Variants in ATP11C observed in about 807,000 individuals in gnomAD.
ATP11C encodes the protein ATPase phospholipid transporting 11C (ATP11C blood group).
Under a neutral mutation model 97.4 loss-of-function variants are expected in ATP11C, and 36 were observed. The ratio of observed to expected loss-of-function variants is 0.37; its 90% CI spans 0.28 to 0.49. ATP11C has a LOEUF of 0.49. Among genes scored for constraint, ATP11C ranks in the 20% least tolerant of loss-of-function variants. The pLI, the probability that ATP11C is intolerant of heterozygous loss-of-function variation, is 0.98. For synonymous variants in ATP11C, 275 were observed against 290.9 expected (o/e 0.95, Z 0.56); for missense variants, 730 against 824.6 (o/e 0.89, Z 1.40).
chrX:139,926,560 CA>C (rs2085355025), intron 1 of ATP11C, among the ~76,000 whole-genome samples: 1 of 111,961 alleles, frequency 8.9e-6, no homozygotes, highest in Non-Finnish European at 1.9e-5. Context: ...TTTGAAAAAA[CA>C]AGCTCTTTTG....
intron 1 of ATP11C, among the ~76,000 whole-genome samples, chrX:139,849,704 G>A (rs2083960221): frequency 8.9e-6 from 1 of 112,289 alleles, no homozygotes; most frequent in Non-Finnish European, 1.9e-5. Flanking sequence ...TTAAACCTCT[G>A]CTATGGTTTG....
At chrX:139,799,039 CAGA>C (rs1278139753) in intron 8 of ATP11C, among the ~76,000 whole-genome samples, 2 of 111,146 alleles carry the variant, frequency 1.8e-5, no homozygotes, top group Non-Finnish European at 3.8e-5. Context: ...GAGAACAGAA[CAGA>C]GCAGCAGATC....
chrX:139,876,323 A>C (rs1214064368), intron 1 of ATP11C, among the ~76,000 whole-genome samples: 2 of 112,221 alleles, frequency 1.8e-5, no homozygotes, highest in Non-Finnish European at 3.8e-5. Flanking sequence ...GAGAAAAATC[A>C]CTATCTCTAG....
At position 139,741,091 on chromosome X, in the gene ATP11C, C is replaced by A. The variant is rs2081545193; in HGVS notation, c.3034G>T (p.Ala1012Ser). The change falls in exon 27 of 30, where the codon GCC becomes TCC. Residue 1012 changes from alanine (A) to serine (S), a missense_variant. Coordinates refer to ENST00000682941, the MANE Select transcript of ATP11C (RefSeq NM_001353812.2). ...CACGTCCAGAATCGGGTATCCAAGGCAAGCTGAAAAGATACAACACAAAAG... is the reference window on the plus strand; with the variant it reads ...CACGTCCAGAATCGGGTATCCAAGGAAAGCTGAAAAGATACAACACAAAAG... ...VLVFTVTLKL[A>S]LDTRFWTWIN... 2 of 1,177,039 alleles carry A rather than the reference C, an allele frequency of 1.7e-6. No individual in the cohort carries two copies. The highest frequency in any genetic ancestry group is 3.5e-5 in the African/African-American group (2 of 56,430).
intron 19 of ATP11C, among the ~76,000 whole-genome samples, chrX:139,772,899 T>TG (rs2082279965): frequency 1.8e-5 from 2 of 110,994 alleles, no homozygotes; most frequent in East Asian, 2.8e-4. Flanking sequence ...TGAAAGACTT[T>TG]GGGGGGCTGT....
chrX:139,757,423 C>T (rs2081959106), intron 23 of ATP11C, among the ~76,000 whole-genome samples: 1 of 111,975 alleles, frequency 8.9e-6, no homozygotes, highest in East Asian at 2.8e-4. Context: ...CTAGGAATCA[C>T]AGGTTCTTGG....
chrX:139,793,991 T>C (rs1451547355), intron 12 of ATP11C, among the ~76,000 whole-genome samples: 1 of 112,121 alleles, frequency 8.9e-6, no homozygotes, highest in East Asian at 2.8e-4. Context: ...AATCAGAATA[T>C]ATACTCACAC....
Position 139,763,300 on chromosome X carries a change from A to T in ATP11C, c.2494+16T>A. On this transcript the variant is annotated intron_variant, in intron 21 of 29. Coordinates refer to ENST00000682941, the MANE Select transcript of ATP11C (RefSeq NM_001353812.2). ...TGATACTTTTCACAGCTGCCATCTC[A>T]TTAGATGTATCTTACCTATTCCCAC... is the stretch of plus-strand genomic sequence containing the variant. 8.7e-7 allele frequency: 1 copy of T among 1,154,698 alleles called. No homozygotes were observed. The highest frequency in any genetic ancestry group is 1.2e-6 in the Non-Finnish European group (1 of 843,811).
intron 1 of ATP11C, among the ~76,000 whole-genome samples, chrX:139,893,115 T>G (rs1054980553): frequency 8.9e-6 from 1 of 112,321 alleles, no homozygotes; most frequent in African/African-American, 3.2e-5. Flanking sequence ...CTCGGCTCAC[T>G]GCAACCTCTG....
chrX:139,731,718 G>A lies in ATP11C; in HGVS notation c.3326C>T (p.Ser1109Phe), dbSNP rs748404658. The part of the protein sequence containing the change: ...LSCRRASDSL[S>F]ARPSVRPLLL... The stretch of plus-strand genomic sequence containing the variant: ...AAGAGGTCTGACTGAAGGTCTGGCG[G>A]ATAATGAGTCAGATGCCCTTCTACA... Residue 1109 changes from serine (S) to phenylalanine (F), a missense_variant, in exon 29 of 30, where the codon TCC becomes TTC. Transcript: ENST00000682941. 4 of 1,196,162 alleles carry A rather than the reference G, an allele frequency of 3.3e-6. No homozygotes were observed. Among genetic ancestry groups the A allele is most frequent in the Non-Finnish European group, 4.5e-6 (4 of 885,146 alleles).
intron 1 of ATP11C, among the ~76,000 whole-genome samples, chrX:139,909,038 G>C (rs1304794516): frequency 2.7e-5 from 3 of 112,463 alleles, no homozygotes. Flanking sequence ...CTCTAAAACT[G>C]TATGGGCACC....
chrX:139,729,867 G>A (rs941008319), intron 29 of ATP11C, among the ~76,000 whole-genome samples: 1 of 111,842 alleles, frequency 8.9e-6, no homozygotes, highest in Non-Finnish European at 1.9e-5. Context: ...TGCCATGGCT[G>A]GACTAGAAGC....
intron 18 of ATP11C, among the ~76,000 whole-genome samples, chrX:139,779,758 CA>C (rs2082414749): frequency 9.1e-6 from 1 of 110,328 alleles, no homozygotes. Flanking sequence ...AAATTGAGAC[CA>C]AAAAAATCAT....
intron 1 of ATP11C, among the ~76,000 whole-genome samples, chrX:139,903,214 G>A (rs2148113350): frequency 9.0e-6 from 1 of 111,647 alleles, no homozygotes; most frequent in African/African-American, 3.3e-5. Context: ...GTGGTATTAT[G>A]GTATATACTG....
chrX:139,852,452 CGGGGGG>C (rs372368937), intron 1 of ATP11C, among the ~76,000 whole-genome samples: 1 of 12,258 alleles, frequency 8.2e-5, no homozygotes, highest in African/African-American at 1.5e-4. Context: ...CTCAGCAATG[CGGGGGG>C]GGGGGGGGGG....
At chrX:139,934,896 T>C (rs1220050854), upstream of ATP11C, among the ~76,000 whole-genome samples, 1 of 111,819 alleles carries the variant, frequency 8.9e-6, no homozygotes, top group Non-Finnish European at 1.9e-5. Flanking sequence ...ATTTCTTCAC[T>C]AGTTTATTTG....
intron 28 of ATP11C, among the ~76,000 whole-genome samples, chrX:139,734,321 A>C (rs2081402110): frequency 9.0e-6 from 1 of 111,398 alleles, no homozygotes; most frequent in Non-Finnish European, 1.9e-5. Context: ...ACTCTGAAAG[A>C]GTTCTCTACA....
intron 22 of ATP11C, among the ~76,000 whole-genome samples, chrX:139,759,614 T>C (rs2082000365): frequency 9.0e-6 from 1 of 110,774 alleles, no homozygotes; most frequent in Non-Finnish European, 1.9e-5. Context: ...ACTCCGGGAG[T>C]GGGCAATAAC....
intron 1 of ATP11C, among the ~76,000 whole-genome samples, chrX:139,838,460 G>A (rs757835248): frequency 1.1e-3 from 127 of 111,757 alleles, no homozygotes; most frequent in Non-Finnish European, 1.7e-3. Context: ...GGAGTAATTG[G>A]AACCCTCATA....
Sources: gnomAD v4.1 joint callset for allele counts (sites outside exome capture counted in the v4.1 genomes callset) on GRCh38, gnomAD v4.1.1 for gene constraint, MANE v1.5 for transcripts, NCBI Gene and HGNC (gene_info 2026-07-23, HGNC 2026-07-21) for gene names.